Variants in GPC6 observed in about 807,000 individuals in gnomAD.
GPC6 encodes glypican 6.
Under a neutral mutation model 55.2 loss-of-function variants are expected in GPC6, and 14 were observed. The observed-to-expected ratio is 0.25, with a 90% CI of 0.17 to 0.40. The LOEUF is 0.40. Among genes scored for constraint, GPC6 ranks in the 10% least tolerant of loss-of-function variants. The pLI, the probability that GPC6 is intolerant of heterozygous loss-of-function variation, is 1.00. For missense variants in GPC6, 641 were observed against 708.5 expected (o/e 0.90, Z 1.08); for synonymous variants, 278 against 259.6 (o/e 1.07, Z -0.68).
intron 1 of GPC6, among the ~76,000 whole-genome samples, chr13:93,236,732 G>C (rs563981932): frequency 2.0e-5 from 3 of 152,198 alleles, no homozygotes; most frequent in East Asian, 3.9e-4. Flanking sequence ...ATTCCCTGGT[G>C]CCAAAAAGGT....
chr13:93,444,548 A>G (rs1877929673), intron 1 of GPC6, among the ~76,000 whole-genome samples: 1 of 152,220 alleles, frequency 6.6e-6, no homozygotes, highest in South Asian at 2.1e-4. Context: ...CGGAGGTTGC[A>G]GTAAGCTGAG....
Position 93,373,092 on chromosome 13 carries a change from A to C in GPC6, c.160+145476A>C, listed in dbSNP as rs534836764. On this transcript the variant is annotated intron_variant, in intron 1 of 8. Transcript: ENST00000377047. Reference sequence around the variant, plus strand: ...CCTCTGTGGTGTATAATAGTACAAAAGTGACATTAAACCTATCAAACAATC... The same window carrying C: ...CCTCTGTGGTGTATAATAGTACAAACGTGACATTAAACCTATCAAACAATC... 1.1e-4 allele frequency among the ~76,000 whole-genome samples: 17 copies of C among 152,334 alleles called. 1 individual carries two copies. The highest frequency in any genetic ancestry group is 3.6e-4 in the African/African-American group (15 of 41,572).
chr13:93,567,950 C>T (rs113828024), intron 2 of GPC6, among the ~76,000 whole-genome samples: 1 of 152,058 alleles, frequency 6.6e-6, no homozygotes, highest in Admixed American at 6.6e-5. Flanking sequence ...TAGTTTTACC[C>T]CACCATGACC....
intron 1 of GPC6, among the ~76,000 whole-genome samples, chr13:93,365,761 T>A (rs1290352393): frequency 6.6e-6 from 1 of 152,082 alleles, no homozygotes; most frequent in Non-Finnish European, 1.5e-5. Context: ...TACTGCCATC[T>A]ATCACTTTAC....
At chr13:93,219,575 A>G in the GPC6 span, among the ~76,000 whole-genome samples, 3 of 152,214 alleles carry the variant, frequency 2.0e-5, no homozygotes, top group Non-Finnish European at 4.4e-5. Context: ...CAATCCATTC[A>G]AAATTTTCAC....
At chr13:94,002,799 A>T (rs1044473564) in intron 3 of GPC6, among the ~76,000 whole-genome samples, 2 of 152,184 alleles carry the variant, frequency 1.3e-5, no homozygotes, top group Admixed American at 1.3e-4. Context: ...TCTCAAAGAC[A>T]GTTAGTAGAC....
intron 2 of GPC6, among the ~76,000 whole-genome samples, chr13:93,677,508 T>C (rs1485687455): frequency 6.6e-6 from 1 of 152,074 alleles, no homozygotes; most frequent in African/African-American, 2.4e-5. Context: ...ATAATAATTA[T>C]TCAAGGCTTC....
intron 2 of GPC6, among the ~76,000 whole-genome samples, chr13:93,812,056 G>T (rs1338530582): frequency 6.7e-6 from 1 of 149,090 alleles, no homozygotes; most frequent in Non-Finnish European, 1.5e-5. Context: ...TTAGGTCTCA[G>T]TCACTGAAAG....
chr13:93,393,963 T>TA (rs1385551150), intron 1 of GPC6, among the ~76,000 whole-genome samples: 5 of 151,778 alleles, frequency 3.3e-5, no homozygotes, highest in South Asian at 2.1e-4. Flanking sequence ...TGGTGGAACT[T>TA]AAAAAAAAGA....
intron 3 of GPC6, among the ~76,000 whole-genome samples, chr13:93,922,490 A>T (rs986948809): frequency 6.6e-6 from 1 of 152,160 alleles, no homozygotes; most frequent in African/African-American, 2.4e-5. Context: ...CACTGTTGTC[A>T]TTTTGGGGGA....
At chr13:94,239,295 A>G (rs1218074120) in intron 4 of GPC6, among the ~76,000 whole-genome samples, 1 of 152,170 alleles carries the variant, frequency 6.6e-6, no homozygotes, top group Non-Finnish European at 1.5e-5. Flanking sequence ...AATCTAAGCT[A>G]TGAAGGGAAA....
chr13:93,425,233 C>A (rs1412606498), intron 1 of GPC6, among the ~76,000 whole-genome samples: 2 of 152,158 alleles, frequency 1.3e-5, no homozygotes, highest in African/African-American at 4.8e-5. Flanking sequence ...TTTACTGTGG[C>A]TCGGCTGGGT....
chr13:93,978,207 G>A (rs1190340027), intron 3 of GPC6, among the ~76,000 whole-genome samples: 1 of 152,178 alleles, frequency 6.6e-6, no homozygotes, highest in Admixed American at 6.5e-5. Context: ...CAATGAAGCA[G>A]ATTCTCCCCT....
intron 4 of GPC6, among the ~76,000 whole-genome samples, chr13:94,174,152 T>C (rs1409006331): frequency 1.3e-5 from 2 of 152,102 alleles, no homozygotes; most frequent in Admixed American, 1.3e-4. Flanking sequence ...TTTTGCACCA[T>C]GAAAAAGAGA....
At chr13:94,012,365 A>AG (rs747545086) in intron 3 of GPC6, among the ~76,000 whole-genome samples, 1 of 152,216 alleles carries the variant, frequency 6.6e-6, no homozygotes, top group African/African-American at 2.4e-5. Context: ...GCTTTGAGCC[A>AG]GGAAGACTTT....
intron 1 of GPC6, among the ~76,000 whole-genome samples, chr13:93,425,396 A>G (rs1433071786): frequency 6.6e-6 from 1 of 151,774 alleles, no homozygotes; most frequent in African/African-American, 2.4e-5. Context: ...ATATATTTAA[A>G]TGTATGAGTT....
At chr13:93,818,535 C>CT (rs1412569778) in intron 2 of GPC6, 3 of 152,228 alleles carry the variant, frequency 2.0e-5, no homozygotes, top group Non-Finnish European at 4.4e-5. Context: ...AAGCCCTGTT[C>CT]TTTCCTCTTC....
chr13:93,629,350 T>G (rs958228769), intron 2 of GPC6, among the ~76,000 whole-genome samples: 6 of 152,190 alleles, frequency 3.9e-5, no homozygotes, highest in African/African-American at 1.2e-4. Flanking sequence ...CATACATTTT[T>G]GAATGATTAT....
intron 3 of GPC6, among the ~76,000 whole-genome samples, chr13:93,950,707 C>T (rs1879215892): frequency 6.6e-6 from 1 of 152,066 alleles, no homozygotes; most frequent in South Asian, 2.1e-4. Context: ...ATGATTCTGG[C>T]TTTATCGTGG....
Sources: allele counts gnomAD v4.1 joint callset (sites outside exome capture counted in the v4.1 genomes callset), GRCh38; gene constraint gnomAD v4.1.1; transcripts MANE v1.5; gene names NCBI Gene and HGNC (gene_info 2026-07-23, HGNC 2026-07-21).